The following PUDP variants were observed in gnomAD, a reference collection of about 807,000 sequenced individuals.
PUDP encodes pseudouridine-5'-phosphatase.
In PUDP, 8 loss-of-function variants were observed where a neutral mutation model predicts 9.4. That is an observed-to-expected ratio of 0.85 (90% CI 0.50 to 1.53). The LOEUF is 1.53. Ranked by LOEUF, PUDP falls within the 40% of genes most tolerant of loss-of-function variation. The pLI is 0.00. For synonymous variants in PUDP, 99 were observed against 80.7 expected, an observed-to-expected ratio of 1.23 and a Z score of -1.22; for missense variants, 188 against 189.7, an observed-to-expected ratio of 0.99 and a Z score of 0.05.
At chrX:6,916,757 C>T (rs1927941225) in intron 3 of PUDP, among the ~76,000 whole-genome samples, 1 of 111,745 alleles carries the variant, frequency 8.9e-6, no homozygotes, top group Non-Finnish European at 1.9e-5. Flanking sequence ...ACTAATTCAG[C>T]TAGTATTTTG....
intron 3 of PUDP, among the ~76,000 whole-genome samples, chrX:6,886,140 TCTA>T (rs1177671652): frequency 8.0e-5 from 9 of 112,116 alleles, no homozygotes; most frequent in Non-Finnish European, 1.5e-4. Context: ...AGCACATTCT[TCTA>T]CTGATATAAT....
chrX:6,752,464 C>T (rs1022188230), intron 3 of PUDP, among the ~76,000 whole-genome samples: 1 of 111,761 alleles, frequency 8.9e-6, no homozygotes, highest in African/African-American at 3.3e-5. Flanking sequence ...CCAGGCTGTC[C>T]TTTTTTAAAA....
chrX:7,088,532 C>A (rs1236541262), intron 2 of PUDP, among the ~76,000 whole-genome samples: 1 of 112,208 alleles, frequency 8.9e-6, no homozygotes, highest in Non-Finnish European at 1.9e-5. Context: ...GTCTCTGTAA[C>A]AACTTAACGT....
chrX:7,101,204 G>A (rs146304006), intron 2 of PUDP, among the ~76,000 whole-genome samples: 6,250 of 111,557 alleles, frequency 0.056, 182 homozygotes, highest in Middle Eastern at 0.14. Flanking sequence ...GCAACTGAGC[G>A]GCTAGTAAAA....
At chrX:6,818,700 C>T (rs935777460) in intron 3 of PUDP, among the ~76,000 whole-genome samples, 3 of 111,839 alleles carry the variant, frequency 2.7e-5, no homozygotes, top group East Asian at 5.6e-4. Context: ...CCAGCATTTA[C>T]GATCAAGTAA....
chrX:6,876,691 A>C (rs1321659444), intron 3 of PUDP, among the ~76,000 whole-genome samples: 1 of 107,841 alleles, frequency 9.3e-6, no homozygotes, highest in East Asian at 3.0e-4. Context: ...ACACATATGT[A>C]CATATATGTG....
intron 3 of PUDP, among the ~76,000 whole-genome samples, chrX:6,742,754 G>C (rs1444569100): frequency 1.8e-5 from 2 of 111,546 alleles, no homozygotes; most frequent in Non-Finnish European, 3.8e-5. Flanking sequence ...CAGCCTGAGC[G>C]ATAGAGCAAG....
chrX:6,900,694 C>T (rs753373443), intron 3 of PUDP, among the ~76,000 whole-genome samples: 1 of 108,549 alleles, frequency 9.2e-6, no homozygotes, highest in East Asian at 2.9e-4. Flanking sequence ...CGTAAAAGGA[C>T]TCTGTACTTT....
intron 1 of PUDP, among the ~76,000 whole-genome samples, chrX:7,003,534 C>A (rs1050996162): frequency 6.2e-5 from 7 of 112,167 alleles, no homozygotes; most frequent in Admixed American, 5.6e-4. Context: ...ATCAAAAAAT[C>A]CTTTTAATTT....
Position 7,050,197 on chromosome X carries a change from C to T in PUDP, c.*99G>A, listed in dbSNP as rs963786001. 13 of 823,904 alleles carry T rather than the reference C, an allele frequency of 1.6e-5. No individual in the cohort carries two copies. The highest frequency in any genetic ancestry group is 2.1e-5 in the African/African-American group (1 of 48,558). 67.9% of individuals were successfully genotyped at this position (823,904 alleles called of 1,213,427 possible). A position where few individuals can be genotyped will look rare whatever the true frequency, so the allele number is the denominator to read the frequency against. On this transcript the variant is annotated 3_prime_UTR_variant, in exon 4 of 4. Transcript: ENST00000381077. The stretch of plus-strand genomic sequence containing the variant: ...CAATCTCAGGAGGCTAAAATCACAG[C>T]GCAGGTTGGGATTGAAGAGTTGCTG...
At chrX:6,761,273 T>C (rs772944618) in intron 3 of PUDP, among the ~76,000 whole-genome samples, 2 of 112,134 alleles carry the variant, frequency 1.8e-5, no homozygotes, top group South Asian at 7.5e-4. Flanking sequence ...ACAAGGGACT[T>C]ACACTCTGTA....
chrX:6,724,812 G>A (rs1039744319), upstream of PUDP, among the ~76,000 whole-genome samples: 1 of 111,538 alleles, frequency 9.0e-6, no homozygotes, highest in Non-Finnish European at 1.9e-5. Context: ...TCCACCATGA[G>A]CTGCGGAGAA....
rs970551556 is a variant in PUDP, at chrX:7,009,843, C to T, written c.205-31500G>A. On this transcript the variant is annotated intron_variant and NMD_transcript_variant, in intron 1 of 3. Coordinates refer to the PUDP transcript ENST00000655425. Reference sequence around the variant, plus strand: ...TAGAACTTAAAGTATAACAAAAAAACGAAAGAAAACTATATCTAAATAAAA... The same window carrying T: ...TAGAACTTAAAGTATAACAAAAAAATGAAAGAAAACTATATCTAAATAAAA... Among the ~76,000 whole-genome samples the T allele has an allele frequency of 3.2e-4, 35 of 110,962 alleles. 1 individual carries two copies. Among genetic ancestry groups the T allele is most frequent in the African/African-American group, 1.1e-3 (33 of 30,413 alleles).
At chrX:7,119,683 A>T (rs1932287618) in intron 1 of PUDP, among the ~76,000 whole-genome samples, 1 of 112,565 alleles carries the variant, frequency 8.9e-6, no homozygotes, top group Admixed American at 9.4e-5. Flanking sequence ...CATAATTCAC[A>T]GGCATTAGCA....
In PUDP at chrX:6,927,828, G is replaced by C. The variant is rs936217988; in HGVS notation, c.*247+49305C>G. Among the ~76,000 whole-genome samples, 3 of 111,320 alleles carry C rather than the reference G, an allele frequency of 2.7e-5. No homozygotes were observed. The Admixed American group carries it at 2.9e-4, about 11-fold the overall frequency. Reference sequence around the variant, plus strand: ...AAACAGGTGGTGGGCTGGGGGAGAAGAGAATTCTATGGAGGGGATTACTAG... The same window carrying C: ...AAACAGGTGGTGGGCTGGGGGAGAACAGAATTCTATGGAGGGGATTACTAG... On this transcript the variant is annotated intron_variant and NMD_transcript_variant, in intron 3 of 3. Transcript: ENST00000655425.
At chrX:6,754,859 C>A (rs564024039) in intron 3 of PUDP, among the ~76,000 whole-genome samples, 2 of 111,396 alleles carry the variant, frequency 1.8e-5, no homozygotes, top group South Asian at 7.6e-4. Flanking sequence ...AATCACCTAA[C>A]AGACACATTC....
At chrX:6,968,818 C>T (rs756892081) in intron 3 of PUDP, among the ~76,000 whole-genome samples, 1 of 111,352 alleles carries the variant, frequency 9.0e-6, no homozygotes, top group Admixed American at 9.5e-5. Context: ...CAGGGTTTCA[C>T]TACGTTGGCC....
chrX:7,129,254 A>G (rs767819254), intron 1 of PUDP, among the ~76,000 whole-genome samples: 3 of 112,443 alleles, frequency 2.7e-5, no homozygotes, highest in Admixed American at 9.4e-5. Context: ...TTTCCATTTT[A>G]TATTCTCATA....
At chrX:7,034,934 A>G (rs1929835866) in intron 1 of PUDP, among the ~76,000 whole-genome samples, 1 of 112,305 alleles carries the variant, frequency 8.9e-6, no homozygotes, top group Admixed American at 9.5e-5. Context: ...TAATTTTATT[A>G]GGGGATACAT....
Sources: gnomAD v4.1 joint callset for allele counts (sites outside exome capture counted in the v4.1 genomes callset) on GRCh38, gnomAD v4.1.1 for gene constraint, MANE v1.5 for transcripts, NCBI Gene and HGNC (gene_info 2026-07-23, HGNC 2026-07-21) for gene names.